EPRS1: variants seen among roughly 807,000 people sequenced by gnomAD.
The protein encoded by EPRS1 is bifunctional glutamate/proline--tRNA ligase.
EPRS1 carries 107 observed loss-of-function variants against 188.3 expected under a neutral mutation model. The ratio of observed to expected loss-of-function variants is 0.57; its 90% CI spans 0.49 to 0.67. EPRS1 has a LOEUF of 0.67. Ranked by LOEUF, EPRS1 falls within the 30% of genes least tolerant of loss-of-function variation. EPRS1 has a pLI of 0.00. For synonymous variants in EPRS1, 596 were observed against 593.1 expected (o/e 1.00, Z -0.07); for missense variants, 1,577 against 1,802.2 (o/e 0.88, Z 2.26).
intron 9 of EPRS1, among the ~76,000 whole-genome samples, chr1:220,020,824 TTATATATATATATA>T (rs71169429): frequency 0.073 from 7,962 of 108,958 alleles, 433 homozygotes; most frequent in Non-Finnish European, 0.096. Context: ...CAATTTGAAT[TTATATATATATATA>T]TATATATATA....
chr1:219,973,160 C>G, intron 29 of EPRS1, 78 bp downstream of exon 29: 1 of 1,311,384 alleles, frequency 7.6e-7, no homozygotes, highest in Non-Finnish European at 1.1e-6. Flanking sequence ...TTGGGGCAAC[C>G]CCAAAAATTC....
rs71560597 is a variant in EPRS1 at position 220,044,681 on chromosome 1, C to CAAAAAAAAAAAAA, written c.46+1649_46+1661dup. ...CAGAGGTTGCAATGAGCTCGGTCTC[C>CAAAAAAAAAAAAA]AAAAAAAAAAAAAAAAAAAAAAAAA... On this transcript the variant is annotated intron_variant, in intron 1 of 31. Transcript: ENST00000366923. Among the ~76,000 whole-genome samples the CAAAAAAAAAAAAA allele has an allele frequency of 4.2e-4, 37 of 88,340 alleles. 2 individuals are homozygous for CAAAAAAAAAAAAA. Among genetic ancestry groups the CAAAAAAAAAAAAA allele is most frequent in the African/African-American group, 1.3e-3 (32 of 24,122 alleles). 58.0% of individuals were successfully genotyped at this position (88,340 alleles called of 152,430 possible).
rs1311408929 is a variant in EPRS1 at position 219,997,022 on chromosome 1, C to T, written c.2502G>A (p.Gly834=). 4 of 1,611,588 alleles carry T rather than the reference C, an allele frequency of 2.5e-6. No homozygotes were observed. The highest frequency in any genetic ancestry group is 3.4e-6 in the Non-Finnish European group (4 of 1,179,254). ...KSLYDEVAAQ[G]EVVRKLKAEK... is the part of the protein sequence containing the mutation. ...CAGCTTTTAGCTTACGAACCACCTC[C>T]CCTTGTGCAGCAACTTCATCATACA... is the stretch of plus-strand genomic sequence containing the variant. Residue 834 remains glycine, a synonymous_variant, in exon 18 of 32, where the codon GGG becomes GGA. Coordinates refer to ENST00000366923, the MANE Select transcript of EPRS1 (RefSeq NM_004446.3).
chr1:220,030,584 A>T, intron 5 of EPRS1, 104 bp from the exon 6 acceptor site: 1 of 771,462 alleles, frequency 1.3e-6, no homozygotes, highest in South Asian at 1.6e-5. Context: ...TGGTTATGAA[A>T]AATATGATGA....
intron 6 of EPRS1, among the ~76,000 whole-genome samples, chr1:220,026,859 G>C (rs1056391700): frequency 6.6e-6 from 1 of 151,520 alleles, no homozygotes; most frequent in Non-Finnish European, 1.5e-5. Context: ...CCATATGGGA[G>C]GGGGAAAAGT....
intron 6 of EPRS1, among the ~76,000 whole-genome samples, chr1:220,026,596 T>A (rs988014235): frequency 1.3e-5 from 2 of 152,000 alleles, no homozygotes; most frequent in Admixed American, 6.6e-5. Flanking sequence ...AGTGGCGTGA[T>A]CTCAGCTCAC....
In EPRS1 at chr1:219,977,086, G is replaced by A. The variant is rs549469711; in HGVS notation, c.4083+1460C>T. On this transcript the variant is annotated intron_variant, in intron 28 of 31. Transcript: ENST00000366923. ...AAGTTTCAAAATGCGCGTACACATC[G>A]CTCACACACTTTGGTCAATCGCTGT... Among the ~76,000 whole-genome samples, 5 of 152,056 alleles carry A rather than the reference G, an allele frequency of 3.3e-5. No individual in the cohort carries two copies. In the East Asian group the frequency reaches 7.7e-4, roughly 24 times the overall value.
intron 17 of EPRS1, among the ~76,000 whole-genome samples, chr1:219,999,980 A>G (rs1021270066): frequency 6.6e-6 from 1 of 152,136 alleles, no homozygotes; most frequent in Non-Finnish European, 1.5e-5. Context: ...TGTCTCAAAT[A>G]AAATAAAATA....
intron 17 of EPRS1, among the ~76,000 whole-genome samples, chr1:219,999,685 C>T (rs1395602136): frequency 6.6e-6 from 1 of 152,104 alleles, no homozygotes; most frequent in Non-Finnish European, 1.5e-5. Context: ...TTTTAGAATC[C>T]AGCCCAGGCC....
At position 219,997,318 on chromosome 1, in the gene EPRS1, G is replaced by A. The variant is rs745909924; in HGVS notation, c.2206C>T (p.Pro736Ser). The change falls in exon 18 of 32, where the codon CCA becomes TCA. Residue 736 changes from proline (P) to serine (S), a missense_variant. Physicochemically the swap from Pro to Ser is moderately conservative, Grantham distance 74 (BLOSUM62 -1). This residue lies in a region of EPRS1 where 1,278 missense variants were observed against 1,457.4 expected (regional missense o/e 0.88). Transcript: ENST00000366923. Reference sequence around the variant, plus strand: ...CAATTATTATTCAGAGAAGGTGTTGGTCTTTCCTTAAAAGGAGCAGAGGTC... The same window carrying A: ...CAATTATTATTCAGAGAAGGTGTTGATCTTTCCTTAAAAGGAGCAGAGGTC... ...NETSAPFKER[P>S]TPSLNNNCTT... is the part of the protein sequence containing the mutation. The A allele has an allele frequency of 3.0e-5, 49 of 1,606,564 alleles. No individual in the cohort carries two copies. Among genetic ancestry groups the A allele is most frequent in the Middle Eastern group, 3.4e-4 (2 of 5,810 alleles).
Position 220,024,293 on chromosome 1 carries a change from T to C in EPRS1, c.914A>G (p.Gln305Arg). 2 of 1,602,292 alleles carry C rather than the reference T, an allele frequency of 1.2e-6. 1 individual carries two copies. The highest frequency in any genetic ancestry group is 1.7e-6 in the Non-Finnish European group (2 of 1,176,936). ...TTTTCTATGTTTAGAGTCTATCCTC[T>C]GCTCACGTTCTGCTTTCATCTGTTC... ...PAEQMKAERE[Q>R]RIDSKHRKNP... Residue 305 changes from glutamine (Q) to arginine (R), a missense_variant, in exon 8 of 32, where the codon CAG becomes CGG. By Grantham distance (43) the Gln-to-Arg change is conservative. This residue lies in a region of EPRS1 where 1,278 missense variants were observed against 1,457.4 expected (regional missense o/e 0.88). Transcript: ENST00000366923.
chr1:219,982,904 C>T, intron 22 of EPRS1, 60 bp from the exon 23 acceptor site: 1 of 1,383,072 alleles, frequency 7.2e-7, no homozygotes, highest in Admixed American at 1.7e-5. Flanking sequence ...AGCAACAGTA[C>T]AAATGCAGGC....
chr1:219,992,692 C>A (rs1341600637), intron 18 of EPRS1, among the ~76,000 whole-genome samples: 1 of 151,998 alleles, frequency 6.6e-6, no homozygotes, highest in Admixed American at 6.6e-5. Flanking sequence ...TTTGGGAGGC[C>A]GAGGCGGGTG....
At position 220,005,323 on chromosome 1, in the gene EPRS1, T is replaced by A. The variant is rs1661437495; in HGVS notation, c.1988A>T (p.Asp663Val). 1 of 1,599,802 alleles carries A rather than the reference T, an allele frequency of 6.3e-7. No homozygotes were observed. ...ELMLGDPCLK[D>V]LKKGDIIQLQ... ...TTGTATAATATCTCCTTTTTTCAAA[T>A]CCTTAAGGCAGGGATCCCCTAGCAT... The change falls in exon 16 of 32, where the codon GAT (aspartate) becomes GTT (valine). Residue 663 changes from aspartate (D) to valine (V), a missense_variant. Coordinates refer to ENST00000366923, the MANE Select transcript of EPRS1 (RefSeq NM_004446.3).
chr1:220,030,351 A>G, intron 6 of EPRS1, 35 bp downstream of exon 6: 1 of 1,360,076 alleles, frequency 7.4e-7, no homozygotes. Flanking sequence ...CCCACTAAAT[A>G]TATTCAATTA....
chr1:219,992,120 G>C lies in EPRS1; in HGVS notation c.2542-3297C>G, dbSNP rs555239230. ...AAGCTATCTGGGGTGAGAGTGCAGG[G>C]TGGCGGCTTCCTAGAACAACCTGCT... On this transcript the variant is annotated intron_variant, in intron 18 of 31. Transcript: ENST00000366923. Among the ~76,000 whole-genome samples the C allele has an allele frequency of 4.6e-5, 7 of 152,276 alleles. No individual in the cohort carries two copies. The East Asian group carries it at 9.6e-4, about 21-fold the overall frequency.
intron 16 of EPRS1, among the ~76,000 whole-genome samples, chr1:220,001,610 A>T (rs187250450): frequency 8.1e-4 from 124 of 152,246 alleles, no homozygotes; most frequent in Non-Finnish European, 1.3e-3. Flanking sequence ...GTGCTGGGAT[A>T]ACAGGTGTGA....
chr1:220,006,292 T>G lies in EPRS1; in HGVS notation c.1764A>C (p.Ile588=), dbSNP rs946796260. Residue 588 remains isoleucine (I), a synonymous_variant, in exon 15 of 32, where the codon ATA becomes ATC. Coordinates refer to ENST00000366923, the MANE Select transcript of EPRS1 (RefSeq NM_004446.3). ...CCAAATTCAACTTTGCATCAAGAGA[T>G]ATGATTTTTCCATCTGCATTTCTAG... ...KIHKNADGKI[I]SLDAKLNLEN... 1 of 1,563,508 alleles carries G rather than the reference T, an allele frequency of 6.4e-7. No individual in the cohort carries two copies. Among genetic ancestry groups the G allele is most frequent in the East Asian group, 2.3e-5 (1 of 43,172 alleles).
At chr1:220,032,324 G>A in intron 5 of EPRS1, 63 bp downstream of exon 5, 1 of 1,366,742 alleles carries the variant, frequency 7.3e-7, no homozygotes, top group Non-Finnish European at 9.9e-7. Flanking sequence ...CTGACCTTGT[G>A]ATCCGCCCGC....
Sources: allele counts gnomAD v4.1 joint callset (sites outside exome capture counted in the v4.1 genomes callset), GRCh38; gene constraint gnomAD v4.1.1; regional missense constraint gnomAD v4.1.1; transcripts MANE v1.5; gene names NCBI Gene and HGNC (gene_info 2026-07-23, HGNC 2026-07-21).